Variants in C12orf42 observed in about 807,000 individuals in gnomAD.
C12orf42 encodes the protein chromosome 12 open reading frame 42, also known as uncharacterized protein C12orf42.
C12orf42 carries 25 observed loss-of-function variants against 21.6 expected under a neutral mutation model. The ratio of observed to expected loss-of-function variants is 1.16; its 90% CI spans 0.84 to 1.62. C12orf42 has a LOEUF of 1.62. Among genes scored for constraint, C12orf42 ranks in the 40% most tolerant of loss-of-function variants. The pLI, the probability that C12orf42 is intolerant of heterozygous loss-of-function variation, is 0.00. For missense variants in C12orf42, 483 were observed against 459.3 expected, an observed-to-expected ratio of 1.05 and a Z score of -0.47; for synonymous variants, 174 against 175.0, an observed-to-expected ratio of 0.99 and a Z score of 0.05.
At chr12:103,129,622 C>G in the C12orf42 span, among the ~76,000 whole-genome samples, 1 of 152,186 alleles carries the variant, frequency 6.6e-6, no homozygotes, top group Non-Finnish European at 1.5e-5. Context: ...CAAAGTCCCT[C>G]TTTCCCCTTT....
intron 4 of C12orf42, among the ~76,000 whole-genome samples, chr12:103,287,509 A>G (rs965163427): frequency 1.4e-4 from 22 of 152,102 alleles, no homozygotes; most frequent in African/African-American, 5.1e-4. Flanking sequence ...GAACAATGAG[A>G]ACACATGGAC....
At chr12:103,108,899 G>A in the C12orf42 span, among the ~76,000 whole-genome samples, 5 of 152,152 alleles carry the variant, frequency 3.3e-5, no homozygotes, top group Admixed American at 3.3e-4. Context: ...AAGCAAAGAT[G>A]TGAAAGCTCC....
the C12orf42 span, among the ~76,000 whole-genome samples, chr12:103,553,719 A>C: frequency 6.6e-6 from 1 of 152,110 alleles, no homozygotes; most frequent in Non-Finnish European, 1.5e-5. Context: ...TTCAGAAGTA[A>C]AGCCTGGGAA....
chr12:103,068,837 G>T, the C12orf42 span, among the ~76,000 whole-genome samples: 2 of 147,492 alleles, frequency 1.4e-5, no homozygotes, highest in African/African-American at 2.5e-5. Flanking sequence ...GGGACCTTGT[G>T]ATCATGGGAG....
the C12orf42 span, among the ~76,000 whole-genome samples, chr12:103,160,838 G>T: frequency 1.1e-4 from 17 of 152,318 alleles, no homozygotes; most frequent in South Asian, 3.1e-3. Context: ...CTAAAAGTCA[G>T]ATTGCCTCAT....
At chr12:103,154,025 C>CAAAAAAAAAA in the C12orf42 span, among the ~76,000 whole-genome samples, 6 of 51,668 alleles carry the variant, frequency 1.2e-4, no homozygotes, top group Non-Finnish European at 1.8e-4. Context: ...CAAATCTCAG[C>CAAAAAAAAAA]AAAAAAAAAA....
At chr12:103,165,532 G>A in the C12orf42 span, among the ~76,000 whole-genome samples, 2 of 152,164 alleles carry the variant, frequency 1.3e-5, no homozygotes, top group Non-Finnish European at 2.9e-5. Flanking sequence ...AACAGTGGCA[G>A]GTAGAGACTC....
At chr12:103,499,760 C>A (rs1440157403), upstream of C12orf42, among the ~76,000 whole-genome samples, 2 of 152,194 alleles carry the variant, frequency 1.3e-5, no homozygotes, top group Non-Finnish European at 2.9e-5. Flanking sequence ...GCTGGGGACT[C>A]TATACTGCCC....
intron 10 of C12orf42, among the ~76,000 whole-genome samples, chr12:103,257,975 A>T (rs2034697134): frequency 6.6e-6 from 1 of 152,106 alleles, no homozygotes; most frequent in Non-Finnish European, 1.5e-5. Flanking sequence ...AAGTCACGTG[A>T]CTTATAAAGA....
the C12orf42 span, among the ~76,000 whole-genome samples, chr12:103,180,978 T>A: frequency 1.4e-4 from 22 of 152,096 alleles, no homozygotes; most frequent in African/African-American, 5.3e-4. Flanking sequence ...AATTCAAGGA[T>A]CTGGGTTGGG....
the C12orf42 span, among the ~76,000 whole-genome samples, chr12:103,181,492 GAAGA>G: frequency 6.6e-6 from 1 of 152,192 alleles, no homozygotes; most frequent in Non-Finnish European, 1.5e-5. Flanking sequence ...TCTACAAAAA[GAAGA>G]AAGACAGAGG....
At chr12:103,162,532 TG>T in the C12orf42 span, among the ~76,000 whole-genome samples, 33 of 152,020 alleles carry the variant, frequency 2.2e-4, no homozygotes, top group East Asian at 6.0e-3. Flanking sequence ...TGTGTGTGTG[TG>T]TGTGTGCAGG....
the C12orf42 span, among the ~76,000 whole-genome samples, chr12:103,226,011 T>G: frequency 1.3e-5 from 2 of 152,168 alleles, no homozygotes; most frequent in Non-Finnish European, 1.5e-5. Context: ...TTCCAGGGGA[T>G]CTGGGAGTGG....
the C12orf42 span, among the ~76,000 whole-genome samples, chr12:103,167,632 C>A: frequency 2.0e-5 from 3 of 152,124 alleles, no homozygotes; most frequent in Non-Finnish European, 4.4e-5. Flanking sequence ...TGGCCAAAAT[C>A]TCCTCTTGCA....
At chr12:103,430,472 G>A (rs1950183896) in intron 2 of C12orf42, among the ~76,000 whole-genome samples, 1 of 152,190 alleles carries the variant, frequency 6.6e-6, no homozygotes, top group Admixed American at 6.5e-5. Flanking sequence ...AACAGACACT[G>A]GAGAGAATGT....
At chr12:103,132,640 C>CA in the C12orf42 span, among the ~76,000 whole-genome samples, 1 of 152,294 alleles carries the variant, frequency 6.6e-6, no homozygotes, top group South Asian at 2.1e-4. Flanking sequence ...TCTGGAGCCC[C>CA]ATTGACATTT....
intron 4 of C12orf42, among the ~76,000 whole-genome samples, chr12:103,322,033 T>A (rs1037770157): frequency 1.1e-4 from 17 of 151,602 alleles, no homozygotes; most frequent in Admixed American, 8.5e-4. Flanking sequence ...GAAAAAAAAA[T>A]TTCTGGTTGG....
the C12orf42 span, among the ~76,000 whole-genome samples, chr12:103,543,248 A>G: frequency 1.3e-5 from 2 of 152,246 alleles, no homozygotes; most frequent in Non-Finnish European, 2.9e-5. Context: ...AAACTGATGC[A>G]GTTCTCAGAA....
At chr12:103,386,899 C>T (rs1430076030) in intron 3 of C12orf42, among the ~76,000 whole-genome samples, 1 of 152,178 alleles carries the variant, frequency 6.6e-6, no homozygotes, top group Non-Finnish European at 1.5e-5. Flanking sequence ...TCTTCCTCCA[C>T]CTCCAAGAAG....
Sources: gnomAD v4.1 joint callset for allele counts (sites outside exome capture counted in the v4.1 genomes callset) on GRCh38, gnomAD v4.1.1 for gene constraint, MANE v1.5 for transcripts, NCBI Gene and HGNC (gene_info 2026-07-23, HGNC 2026-07-21) for gene names.